The following ROBO2 variants were observed in gnomAD, a reference collection of about 807,000 sequenced individuals.
The protein encoded by ROBO2 is roundabout guidance receptor 2.
A neutral mutation model predicts 160.8 loss-of-function variants in ROBO2; 53 were observed. The observed-to-expected ratio is 0.33, with a 90% CI of 0.26 to 0.41. The LOEUF (loss-of-function observed/expected upper bound fraction) is 0.41, where lower values mean the gene tolerates loss of function less well. Ranked by LOEUF, ROBO2 falls within the 10% of genes least tolerant of loss-of-function variation. The pLI, the probability that ROBO2 is intolerant of heterozygous loss-of-function variation, is 1.00. For missense variants in ROBO2, 1,577 were observed against 1,722.4 expected, an observed-to-expected ratio of 0.92 and a Z score of 1.49; for synonymous variants, 664 against 611.7, an observed-to-expected ratio of 1.09 and a Z score of -1.26.
In ROBO2 at chr3:77,009,236, G is replaced by A. The variant is rs374201635; in HGVS notation, c.110-88778G>A. Among the ~76,000 whole-genome samples, 5 of 152,248 alleles carry A rather than the reference G, an allele frequency of 3.3e-5. No homozygotes were observed. In the South Asian group the frequency reaches 8.3e-4, roughly 25 times the overall value. On this transcript the variant is annotated intron_variant, in intron 2 of 26. Transcript: ENST00000487694. ...ACTCTGGACTGATAATTCAGTTTGT[G>A]AATATTTACCCTCATTCCACCAATA...
intron 2 of ROBO2, among the ~76,000 whole-genome samples, chr3:77,186,811 A>G (rs1560190388): frequency 6.6e-6 from 1 of 151,964 alleles, no homozygotes; most frequent in Non-Finnish European, 1.5e-5. Flanking sequence ...GTTTGTCCTG[A>G]CTGATTAGCT....
chr3:76,857,612 T>C (rs1381630157), intron 2 of ROBO2, among the ~76,000 whole-genome samples: 1 of 152,196 alleles, frequency 6.6e-6, no homozygotes, highest in Non-Finnish European at 1.5e-5. Context: ...AACACGTTTT[T>C]GCTGTGATGG....
intron 2 of ROBO2, among the ~76,000 whole-genome samples, chr3:76,452,860 C>T (rs375990540): frequency 0.04 from 5,353 of 134,634 alleles, 196 homozygotes; most frequent in African/African-American, 0.12. Flanking sequence ...TTTTAATGAT[C>T]GCCATTCTAA....
chr3:76,485,759 T>A (rs1036158403), intron 2 of ROBO2, among the ~76,000 whole-genome samples: 11 of 152,246 alleles, frequency 7.2e-5, no homozygotes, highest in East Asian at 5.8e-4. Context: ...TTTTTATAAT[T>A]TAAAAAAATA....
At chr3:76,504,425 A>G (rs1236439633) in intron 2 of ROBO2, among the ~76,000 whole-genome samples, 1 of 151,884 alleles carries the variant, frequency 6.6e-6, no homozygotes, top group Non-Finnish European at 1.5e-5. Context: ...CTTGAGAGGG[A>G]CAGTTCTAGT....
intron 2 of ROBO2, among the ~76,000 whole-genome samples, chr3:77,346,416 A>G (rs2067645930): frequency 6.6e-6 from 1 of 152,138 alleles, no homozygotes; most frequent in Non-Finnish European, 1.5e-5. Flanking sequence ...TTCTACTCTT[A>G]CAACTATTTT....
chr3:76,779,643 C>A lies in ROBO2; in HGVS notation c.110-318371C>A, dbSNP rs78972896. On this transcript the variant is annotated intron_variant, in intron 2 of 26. Coordinates refer to the ROBO2 transcript ENST00000487694. ...TGGCTTATTTCACTTGGCATAATGTCCTCAGGGTTCATGAGATATGTTGTC... is the reference window on the plus strand; with the variant it reads ...TGGCTTATTTCACTTGGCATAATGTACTCAGGGTTCATGAGATATGTTGTC... Among the ~76,000 whole-genome samples the A allele has an allele frequency of 5.9e-3, 895 of 151,018 alleles. 14 individuals are homozygous for A. Among genetic ancestry groups the A allele is most frequent in the African/African-American group, 0.02 (842 of 41,370 alleles).
intron 2 of ROBO2, among the ~76,000 whole-genome samples, chr3:76,847,454 G>A (rs2068879634): frequency 6.6e-6 from 1 of 152,172 alleles, no homozygotes; most frequent in Admixed American, 6.5e-5. Flanking sequence ...AGACTATTGA[G>A]AGAGAACTGG....
intron 2 of ROBO2, among the ~76,000 whole-genome samples, chr3:76,068,329 A>G (rs1161821922): frequency 6.6e-6 from 1 of 152,174 alleles, no homozygotes; most frequent in Non-Finnish European, 1.5e-5. Context: ...CCTCTGTAAC[A>G]TCTCAGGCTT....
chr3:76,343,772 C>G (rs947607877), intron 2 of ROBO2, among the ~76,000 whole-genome samples: 6 of 151,990 alleles, frequency 3.9e-5, no homozygotes, highest in African/African-American at 1.4e-4. Flanking sequence ...AGTAGAAAAT[C>G]TGCAGAAATG....
At chr3:77,215,630 G>T (rs914026865) in intron 2 of ROBO2, among the ~76,000 whole-genome samples, 1 of 152,234 alleles carries the variant, frequency 6.6e-6, no homozygotes, top group East Asian at 1.9e-4. Flanking sequence ...GAGGAGCTGC[G>T]TTCCTTTGGA....
At chr3:76,262,462 G>T (rs1706831086) in intron 2 of ROBO2, among the ~76,000 whole-genome samples, 1 of 152,046 alleles carries the variant, frequency 6.6e-6, no homozygotes, top group Non-Finnish European at 1.5e-5. Flanking sequence ...TACATAAAAT[G>T]GAAAAGGTTG....
chr3:76,487,055 G>A lies in ROBO2; in HGVS notation c.109+549453G>A, dbSNP rs865810181. 2.6e-5 allele frequency among the ~76,000 whole-genome samples: 4 copies of A among 152,164 alleles called. No homozygotes were observed. The Middle Eastern group carries it at 0.01, about 388-fold the overall frequency. ...CACAGTCATAGCTCATGACAGCATC[G>A]AACTCCTGGGCTCAAGCAATCCACC... is the stretch of plus-strand genomic sequence containing the variant. On this transcript the variant is annotated intron_variant, in intron 2 of 26. Coordinates refer to the ROBO2 transcript ENST00000487694.
chr3:76,467,728 C>A (rs200494376), intron 2 of ROBO2, among the ~76,000 whole-genome samples: 48 of 152,022 alleles, frequency 3.2e-4, no homozygotes, highest in African/African-American at 1.0e-3. Context: ...GCAGAACAAC[C>A]TTTTTAGGTG....
intron 6 of ROBO2, among the ~76,000 whole-genome samples, chr3:77,541,607 T>C (rs369144987): frequency 6.6e-6 from 1 of 152,246 alleles, no homozygotes; most frequent in South Asian, 2.1e-4. Context: ...ACTTTCCTTA[T>C]AGAGCTATTG....
intron 2 of ROBO2, among the ~76,000 whole-genome samples, chr3:75,986,554 A>T (rs2065421102): frequency 6.6e-6 from 1 of 151,498 alleles, no homozygotes; most frequent in African/African-American, 2.4e-5. Context: ...TTTATCAAGT[A>T]CAGTTTTTAA....
chr3:77,472,006 G>A (rs1198058704), intron 2 of ROBO2, among the ~76,000 whole-genome samples: 2 of 152,100 alleles, frequency 1.3e-5, no homozygotes, highest in Non-Finnish European at 2.9e-5. Flanking sequence ...GGTAGACAGG[G>A]GATCTTTAGA....
At chr3:76,830,250 A>T (rs2066963192) in intron 2 of ROBO2, among the ~76,000 whole-genome samples, 2 of 152,112 alleles carry the variant, frequency 1.3e-5, no homozygotes, top group African/African-American at 4.8e-5. Context: ...AACCTCAGCC[A>T]TTCGAACAGG....
At chr3:76,200,064 G>A (rs1181270705) in intron 2 of ROBO2, among the ~76,000 whole-genome samples, 1 of 152,062 alleles carries the variant, frequency 6.6e-6, no homozygotes, top group Non-Finnish European at 1.5e-5. Flanking sequence ...TCTAGCAAGG[G>A]CCCTGTAAAC....
Sources: allele counts gnomAD v4.1 joint callset (sites outside exome capture counted in the v4.1 genomes callset), GRCh38; gene constraint gnomAD v4.1.1; transcripts MANE v1.5; gene names NCBI Gene and HGNC (gene_info 2026-07-23, HGNC 2026-07-21).